Variants in CPNE4 observed in about 807,000 individuals in gnomAD.
CPNE4 encodes the protein copine 4.
A neutral mutation model predicts 67.9 loss-of-function variants in CPNE4; 25 were observed. The ratio of observed to expected loss-of-function variants is 0.37; its 90% CI spans 0.27 to 0.51. The LOEUF (loss-of-function observed/expected upper bound fraction) is 0.51, where lower values mean the gene tolerates loss of function less well. Ranked by LOEUF, CPNE4 falls within the 20% of genes least tolerant of loss-of-function variation. The pLI is 0.93. For synonymous variants in CPNE4, 242 were observed against 244.9 expected (o/e 0.99, Z 0.11); for missense variants, 464 against 690.8 (o/e 0.67, Z 3.68).
chr3:131,625,545 A>G (rs543478978), intron 7 of CPNE4, among the ~76,000 whole-genome samples: 130 of 152,300 alleles, frequency 8.5e-4, no homozygotes, highest in Admixed American at 3.8e-3. Context: ...TACATATATC[A>G]ACTTTGGTAT....
chr3:131,791,665 T>G (rs767156140), intron 2 of CPNE4, among the ~76,000 whole-genome samples: 37 of 152,266 alleles, frequency 2.4e-4, no homozygotes, highest in Non-Finnish European at 4.7e-4. Flanking sequence ...AACTGGAAGA[T>G]CTGCAAATTA....
intron 11 of CPNE4, among the ~76,000 whole-genome samples, chr3:131,557,646 G>C (rs938581635): frequency 1.3e-5 from 2 of 152,030 alleles, no homozygotes; most frequent in Non-Finnish European, 2.9e-5. Flanking sequence ...CATCTAGCAG[G>C]TATTAGATAA....
At chr3:131,730,514 T>A (rs1479884519) in intron 2 of CPNE4, among the ~76,000 whole-genome samples, 1 of 152,196 alleles carries the variant, frequency 6.6e-6, no homozygotes, top group Non-Finnish European at 1.5e-5. Context: ...CATATACCAG[T>A]ATCTTAGAAT....
intron 1 of CPNE4, among the ~76,000 whole-genome samples, chr3:131,953,251 A>AAAAATAAAT (rs2071831936): frequency 7.1e-6 from 1 of 140,778 alleles, no homozygotes; most frequent in Admixed American, 7.1e-5. Context: ...AAAAAAAAAA[A>AAAAATAAAT]AAAAAAAAAA....
At chr3:131,684,346 C>A (rs1196319101) in intron 6 of CPNE4, among the ~76,000 whole-genome samples, 1 of 152,222 alleles carries the variant, frequency 6.6e-6, no homozygotes, top group Non-Finnish European at 1.5e-5. Flanking sequence ...CTCAGGGCAA[C>A]TGTGCTAGCT....
chr3:131,720,554 G>A (rs954257029), intron 3 of CPNE4, among the ~76,000 whole-genome samples: 1 of 152,168 alleles, frequency 6.6e-6, no homozygotes, highest in Non-Finnish European at 1.5e-5. Context: ...AAAGTGCTGG[G>A]ATTACAGGCG....
intron 2 of CPNE4, among the ~76,000 whole-genome samples, chr3:131,752,809 T>C (rs1184470860): frequency 6.6e-6 from 1 of 152,114 alleles, no homozygotes; most frequent in African/African-American, 2.4e-5. Flanking sequence ...TTTTATGTCA[T>C]GATATGACAA....
intron 7 of CPNE4, among the ~76,000 whole-genome samples, chr3:131,651,551 C>G (rs1448958057): frequency 6.6e-6 from 1 of 152,174 alleles, no homozygotes; most frequent in East Asian, 1.9e-4. Flanking sequence ...AGAAGAAACA[C>G]AAGGCTTTAG....
chr3:131,876,647 A>AAAAAAAAAAG (rs1560521088), intron 2 of CPNE4, among the ~76,000 whole-genome samples: 1 of 148,044 alleles, frequency 6.8e-6, no homozygotes, highest in Non-Finnish European at 1.5e-5. Context: ...GTCTCAAAAA[A>AAAAAAAAAAG]AAAAAAAAAG....
At chr3:131,626,534 A>T (rs1240956282) in intron 7 of CPNE4, among the ~76,000 whole-genome samples, 2 of 152,150 alleles carry the variant, frequency 1.3e-5, no homozygotes, top group Non-Finnish European at 2.9e-5. Context: ...AGGCTGAGAG[A>T]GGTGAGGAAG....
intron 2 of CPNE4, among the ~76,000 whole-genome samples, chr3:131,801,398 A>ACG (rs1560344220): frequency 2.8e-5 from 3 of 107,358 alleles, no homozygotes; most frequent in African/African-American, 9.6e-5. Context: ...GTACATATAT[A>ACG]TATAGGTACA....
chr3:131,787,171 C>G (rs1013382264), intron 2 of CPNE4, among the ~76,000 whole-genome samples: 4 of 152,132 alleles, frequency 2.6e-5, no homozygotes. Flanking sequence ...TTTATAGACA[C>G]CTTGGAAGGG....
intron 2 of CPNE4, among the ~76,000 whole-genome samples, chr3:131,781,176 G>T (rs2083424802): frequency 6.6e-6 from 1 of 152,040 alleles, no homozygotes; most frequent in South Asian, 2.1e-4. Context: ...TCTAACTTTG[G>T]TCCCACTCTA....
At chr3:131,636,823 T>C (rs1175760173) in intron 7 of CPNE4, among the ~76,000 whole-genome samples, 1 of 152,210 alleles carries the variant, frequency 6.6e-6, no homozygotes, top group Non-Finnish European at 1.5e-5. Context: ...CAGGTGCTAG[T>C]ATCCATGGCT....
intron 1 of CPNE4, among the ~76,000 whole-genome samples, chr3:131,943,258 T>C (rs1350718876): frequency 6.6e-6 from 1 of 152,180 alleles, no homozygotes; most frequent in Non-Finnish European, 1.5e-5. Context: ...CCTCCTGTCA[T>C]TTCAAGTCAG....
At chr3:131,929,453 A>T (rs932492198) in intron 1 of CPNE4, among the ~76,000 whole-genome samples, 5 of 151,978 alleles carry the variant, frequency 3.3e-5, no homozygotes, top group African/African-American at 1.2e-4. Flanking sequence ...TTTGAGACTC[A>T]CTCATAAAAA....
intron 2 of CPNE4, among the ~76,000 whole-genome samples, chr3:131,731,980 C>CG (rs1201830293): frequency 1.3e-5 from 2 of 151,976 alleles, no homozygotes; most frequent in Non-Finnish European, 2.9e-5. Flanking sequence ...GTGGGGGTGG[C>CG]GGGGAACCAA....
At chr3:131,813,324 G>A (rs2084607046) in intron 2 of CPNE4, among the ~76,000 whole-genome samples, 1 of 151,026 alleles carries the variant, frequency 6.6e-6, no homozygotes, top group South Asian at 2.1e-4. Flanking sequence ...GGAAATGAGA[G>A]TAGTTGTAAT....
chr3:131,665,100 G>A (rs1202792275), intron 7 of CPNE4, among the ~76,000 whole-genome samples: 6 of 152,136 alleles, frequency 3.9e-5, no homozygotes, highest in Admixed American at 3.9e-4. Context: ...ATTGGCTCAC[G>A]CATGTAATCC....
Sources: allele counts gnomAD v4.1 joint callset (sites outside exome capture counted in the v4.1 genomes callset), GRCh38; gene constraint gnomAD v4.1.1; transcripts MANE v1.5; gene names NCBI Gene and HGNC (gene_info 2026-07-23, HGNC 2026-07-21).